Variants in KIF14 observed in about 807,000 individuals in gnomAD.
KIF14 encodes the protein kinesin family member 14.
Under a neutral mutation model 176.2 loss-of-function variants are expected in KIF14, and 98 were observed. The ratio of observed to expected loss-of-function variants is 0.56; its 90% confidence interval spans 0.47 to 0.66. KIF14 has a LOEUF of 0.66. Among genes scored for constraint, KIF14 ranks in the 30% least tolerant of loss-of-function variants. KIF14 has a pLI of 0.00. For missense variants in KIF14, 1,751 were observed against 1,920.4 expected (o/e 0.91, Z 1.65); for synonymous variants, 566 against 632.2 (o/e 0.90, Z 1.57).
At chr1:200,614,455 A>G in intron 3 of KIF14, 50 bp from the exon 4 acceptor site, 1 of 1,183,204 alleles carries the variant, frequency 8.5e-7, no homozygotes, top group Non-Finnish European at 1.2e-6. Flanking sequence ...TTCTTTCTTT[A>G]AAATTCTTTT....
At chr1:200,602,684 T>C (rs1366234946) in intron 10 of KIF14, among the ~76,000 whole-genome samples, 4 of 152,196 alleles carry the variant, frequency 2.6e-5, no homozygotes, top group South Asian at 2.1e-4. Context: ...TATTAATGCC[T>C]ATCACAACTG....
chr1:200,606,028 G>A, intron 6 of KIF14, 134 bp from the exon 7 acceptor site: 1 of 455,374 alleles, frequency 2.2e-6, no homozygotes, highest in East Asian at 3.4e-5. Flanking sequence ...TTATTTTATT[G>A]ATTCTCCCAG....
At chr1:200,559,550 T>A in intron 26 of KIF14, 98 bp from the exon 27 acceptor site, 1 of 637,450 alleles carries the variant, frequency 1.6e-6, no homozygotes, top group Non-Finnish European at 2.3e-6. Flanking sequence ...ATCAAGTAAT[T>A]AAGTTATATT....
intron 20 of KIF14, among the ~76,000 whole-genome samples, chr1:200,580,696 G>A (rs1478317888): frequency 6.6e-6 from 1 of 151,976 alleles, no homozygotes; most frequent in East Asian, 1.9e-4. Context: ...AAATATACTA[G>A]TATGTTAATT....
chr1:200,604,557 C>T lies in KIF14; in HGVS notation c.1747-602G>A, dbSNP rs541407025. ...ATAAATAAAGAAAAAGTTTAATGCA[C>T]AAAGATGTTGCTTATCCCAGCATTA... On this transcript the variant is annotated intron_variant, in intron 8 of 29. Transcript: ENST00000367350. Among the ~76,000 whole-genome samples the T allele has an allele frequency of 8.6e-5, 13 of 152,036 alleles. No homozygotes were observed. The South Asian group carries it at 2.5e-3, about 29-fold the overall frequency.
In KIF14 at chr1:200,618,364, T is replaced by A; in HGVS notation, c.360A>T (p.Thr120=). 1 of 1,614,176 alleles carries A rather than the reference T, an allele frequency of 6.2e-7. No individual in the cohort carries two copies. Among genetic ancestry groups the A allele is most frequent in the Non-Finnish European group, 8.5e-7 (1 of 1,180,026 alleles). The part of the protein sequence containing the change: ...TTEKTAETRL[T]LQRRAKTDSA... Reference sequence around the variant, plus strand: ...AATCTGTTTTAGCACGACGTTGTAATGTAAGACGTGTTTCTGCTGTTTTTT... The same window carrying A: ...AATCTGTTTTAGCACGACGTTGTAAAGTAAGACGTGTTTCTGCTGTTTTTT... The change falls in exon 2 of 30, where the codon ACA becomes ACT. Residue 120 remains threonine, a synonymous_variant. Coordinates refer to ENST00000367350, the MANE Select transcript of KIF14 (RefSeq NM_014875.3).
intron 18 of KIF14, 76 bp from the exon 19 acceptor site, chr1:200,586,303 A>G: frequency 7.8e-7 from 1 of 1,275,118 alleles, no homozygotes; most frequent in Non-Finnish European, 1.1e-6. Flanking sequence ...CATTGAGATG[A>G]TGGATATGTT....
chr1:200,606,689 A>G, intron 6 of KIF14, 57 bp downstream of exon 6: 6 of 1,406,190 alleles, frequency 4.3e-6, no homozygotes, highest in Admixed American at 1.7e-5. Flanking sequence ...TGGGAGAGTA[A>G]CATTCACTCT....
At chr1:200,562,136 A>G (rs1014673400) in intron 25 of KIF14, among the ~76,000 whole-genome samples, 4 of 152,240 alleles carry the variant, frequency 2.6e-5, no homozygotes, top group African/African-American at 9.6e-5. Flanking sequence ...TTCTCAAACC[A>G]TACTTAGTAG....
chr1:200,581,688 T>A lies in KIF14; in HGVS notation c.3242-394A>T, dbSNP rs563334884. 2.9e-4 allele frequency among the ~76,000 whole-genome samples: 44 copies of A among 151,540 alleles called. 1 individual carries two copies. The South Asian group carries it at 6.9e-3, about 24-fold the overall frequency. On this transcript the variant is annotated intron_variant, in intron 19 of 29. Transcript: ENST00000367350. ...CCTTTTGTATTTTGCCTAAAAATTT[T>A]AAAAAATGTATATATATATGTCAGG...
At chr1:200,565,718 C>T in intron 23 of KIF14, 49 bp from the exon 24 acceptor site, 1 of 1,245,928 alleles carries the variant, frequency 8.0e-7, no homozygotes, top group Non-Finnish European at 1.1e-6. Context: ...AGGAATAATA[C>T]TTTCTTTTTT....
chr1:200,564,412 C>G (rs568959813), intron 25 of KIF14, among the ~76,000 whole-genome samples: 3 of 152,198 alleles, frequency 2.0e-5, no homozygotes, highest in South Asian at 2.1e-4. Context: ...ATGGGAGGAG[C>G]CTGGATCCTG....
chr1:200,619,683 A>T (rs1304000279), intron 1 of KIF14, among the ~76,000 whole-genome samples: 1 of 152,220 alleles, frequency 6.6e-6, no homozygotes. Context: ...GCCTATAGAG[A>T]AGATTGAATT....
At position 200,577,535 on chromosome 1, in the gene KIF14, G is replaced by A. The variant is rs569030214; in HGVS notation, c.3466-1844C>T. On this transcript the variant is annotated intron_variant, in intron 21 of 29. Coordinates refer to ENST00000367350, the MANE Select transcript of KIF14 (RefSeq NM_014875.3). ...TGGTAGGCCAGGCACAGTGGCTCAC[G>A]CCTGTAATCCCAGCACTTTGGGAGG... 4.4e-4 allele frequency among the ~76,000 whole-genome samples: 67 copies of A among 151,916 alleles called. 2 individuals are homozygous for A. The highest frequency in any genetic ancestry group is 1.7e-3 in the South Asian group (8 of 4,812).
chr1:200,607,133 T>TTTTG (rs768315460), intron 5 of KIF14, among the ~76,000 whole-genome samples: 2 of 149,614 alleles, frequency 1.3e-5, no homozygotes, highest in Non-Finnish European at 3.0e-5. Context: ...CTTACTAGTT[T>TTTTG]TTTGTTTGTT....
At chr1:200,577,807 C>G (rs1658212409) in intron 21 of KIF14, among the ~76,000 whole-genome samples, 1 of 151,612 alleles carries the variant, frequency 6.6e-6, no homozygotes. Context: ...ATCAGTTATT[C>G]TAGCATAAGA....
At position 200,592,251 on chromosome 1, in the gene KIF14, CA is replaced by C. The variant is rs747395988; in HGVS notation, c.2653-12del. On this transcript the variant is annotated splice_polypyrimidine_tract_variant and intron_variant, in intron 15 of 29. Transcript: ENST00000367350. ...AATCACTCGATCACCCTAAAGCACACAAAAAAATGTACTACTTGAGGTGAGT... is the reference window on the plus strand; with the variant it reads ...AATCACTCGATCACCCTAAAGCACACAAAAAATGTACTACTTGAGGTGAGT... The C allele has an allele frequency of 3.8e-6, 6 of 1,583,506 alleles. No individual in the cohort carries two copies. The highest frequency in any genetic ancestry group is 2.3e-5 in the East Asian group (1 of 44,362).
intron 25 of KIF14, among the ~76,000 whole-genome samples, chr1:200,561,625 A>G (rs933566376): frequency 1.3e-5 from 2 of 152,160 alleles, no homozygotes; most frequent in African/African-American, 4.8e-5. Context: ...ATTTATTGAT[A>G]TAGTGATCTC....
At chr1:200,585,822 T>C (rs955617952) in intron 19 of KIF14, among the ~76,000 whole-genome samples, 11 of 152,160 alleles carry the variant, frequency 7.2e-5, no homozygotes, top group African/African-American at 2.7e-4. Flanking sequence ...GCCAAAGACC[T>C]CCACTTCCTA....
Sources: gnomAD v4.1 joint callset for allele counts (sites outside exome capture counted in the v4.1 genomes callset) on GRCh38, gnomAD v4.1.1 for gene constraint, MANE v1.5 for transcripts, NCBI Gene and HGNC (gene_info 2026-07-23, HGNC 2026-07-21) for gene names.